BCAR1: variants seen among roughly 807,000 people sequenced by gnomAD.
The protein encoded by BCAR1 is BCAR1 scaffold protein, Cas family member.
In BCAR1, 30 loss-of-function variants were observed where a neutral mutation model predicts 67.6. That is an observed-to-expected ratio of 0.44 (90% confidence interval 0.33 to 0.60). BCAR1 has a LOEUF of 0.60. Ranked by LOEUF, BCAR1 falls within the 20% of genes least tolerant of loss-of-function variation. The pLI, the probability that BCAR1 is intolerant of heterozygous loss-of-function variation, is 0.02. For synonymous variants in BCAR1, 626 were observed against 556.7 expected (o/e 1.12, Z -1.75); for missense variants, 1,313 against 1,222.3 (o/e 1.07, Z -1.11).
At chr16:75,236,242 C>G in intron 4 of BCAR1, 1 of 541,702 alleles carries the variant, frequency 1.8e-6, no homozygotes, top group Non-Finnish European at 3.2e-6. Flanking sequence ...CGAGCCGGCT[C>G]TGGAGCCAGG....
At chr16:75,264,527 G>A in intron 1 of BCAR1, 4 of 1,407,920 alleles carry the variant, frequency 2.8e-6, no homozygotes, top group Non-Finnish European at 3.7e-6. Flanking sequence ...TTCTGAAGAC[G>A]AGACGATTAT....
intron 1 of BCAR1, among the ~76,000 whole-genome samples, chr16:75,250,465 A>T (rs555168228): frequency 5.8e-4 from 89 of 152,354 alleles, no homozygotes; most frequent in African/African-American, 2.1e-3. Flanking sequence ...ACCCATGGTC[A>T]TTCTGAGAAG....
Position 75,235,308 on chromosome 16 carries a change from G to A in BCAR1, c.1591C>T (p.His531Tyr). The A allele has an allele frequency of 6.2e-7, 1 of 1,604,780 alleles. No individual in the cohort carries two copies. Among genetic ancestry groups the A allele is most frequent in the South Asian group, 1.1e-5 (1 of 90,992 alleles). Residue 531 changes from histidine to tyrosine, a missense_variant, in exon 5 of 7, where the codon CAC becomes TAC. By Grantham distance (83) the His-to-Tyr change is moderately conservative. Coordinates refer to ENST00000162330, the MANE Select transcript of BCAR1 (RefSeq NM_014567.5). ...GCATGCAGGGCACGGTCAGATGTGT[G>A]GGCAGCATTGCCCACCGCGCTGCGG... ...FARSAVGNAA[H>Y]TSDRALHAKL...
chr16:75,240,173 C>G (rs1056947261), intron 2 of BCAR1, among the ~76,000 whole-genome samples: 2 of 152,212 alleles, frequency 1.3e-5, no homozygotes, highest in African/African-American at 4.8e-5. Context: ...TGTCACTCAC[C>G]CTCTTGGCTT....
chr16:75,263,531 CTGCAT>C, intron 1 of BCAR1: 1 of 985,524 alleles, frequency 1.0e-6, no homozygotes, highest in Non-Finnish European at 1.2e-6. Flanking sequence ...GGGTCCGGGA[CTGCAT>C]GTGAGTCAAA....
Position 75,235,366 on chromosome 16 carries a change from G to C in BCAR1, c.1533C>G (p.Val511=). The C allele has an allele frequency of 6.2e-7, 1 of 1,602,296 alleles. No individual in the cohort carries two copies. Among genetic ancestry groups the C allele is most frequent in the Middle Eastern group, 1.7e-4 (1 of 6,038 alleles). ...VQDLQAAVAA[V]QSAVHELLEF... is the part of the protein sequence containing the mutation. ...CCAACAGCTCGTGGACGGCACTCTG[G>C]ACAGCGGCCACAGCAGCCTGCAGGT... is the stretch of plus-strand genomic sequence containing the variant. The change falls in exon 5 of 7, where the codon GTC becomes GTG. Residue 511 remains valine, a synonymous_variant. Coordinates refer to ENST00000162330, the MANE Select transcript of BCAR1 (RefSeq NM_014567.5).
chr16:75,237,790 C>G (rs1004276863), intron 2 of BCAR1, among the ~76,000 whole-genome samples: 1 of 152,196 alleles, frequency 6.6e-6, no homozygotes, highest in Non-Finnish European at 1.5e-5. Flanking sequence ...GCCCACACCA[C>G]CTAGCTGTAG....
chr16:75,263,701 G>T (rs959219433), intron 1 of BCAR1: 1 of 985,490 alleles, frequency 1.0e-6, no homozygotes, highest in Non-Finnish European at 1.2e-6. Flanking sequence ...AGTGCCTGCT[G>T]CGTCAGCCCA....
At chr16:75,241,789 C>G (rs776141876) in intron 2 of BCAR1, among the ~76,000 whole-genome samples, 3 of 152,218 alleles carry the variant, frequency 2.0e-5, no homozygotes, top group Non-Finnish European at 2.9e-5. Flanking sequence ...AGTGCTGACT[C>G]CTTCCTACAG....
chr16:75,265,849 C>T (rs896204765), intron 1 of BCAR1: 186 of 1,175,092 alleles, frequency 1.6e-4, no homozygotes, highest in Non-Finnish European at 1.8e-4. Flanking sequence ...TGGCCGCCGC[C>T]CCCGGGGCCT....
At chr16:75,242,195 C>A (rs913968908) in intron 2 of BCAR1, among the ~76,000 whole-genome samples, 1 of 152,244 alleles carries the variant, frequency 6.6e-6, no homozygotes, top group Admixed American at 6.5e-5. Flanking sequence ...CCCACTGGAA[C>A]GCCTCAACAG....
At chr16:75,236,663 G>T (rs906192683) in intron 4 of BCAR1, 2 of 912,528 alleles carry the variant, frequency 2.2e-6, no homozygotes, top group Admixed American at 3.5e-5. Flanking sequence ...GGAGCTCATG[G>T]AGAAGGCCTC....
intron 1 of BCAR1, among the ~76,000 whole-genome samples, chr16:75,267,407 G>C (rs2078024917): frequency 6.9e-6 from 1 of 145,546 alleles, no homozygotes. Flanking sequence ...GGGGGGGGTG[G>C]GGGGCCTGGA....
At position 75,267,938 on chromosome 16, in the gene BCAR1, TG is replaced by T; in HGVS notation, c.42del (p.Thr15HisfsTer34). 1 of 1,603,500 alleles carries T rather than the reference TG, an allele frequency of 6.2e-7. No individual in the cohort carries two copies. The highest frequency in any genetic ancestry group is 1.7e-5 in the Admixed American group (1 of 58,828). The stretch of plus-strand genomic sequence containing the variant: ...ACTCTGAGGCAGGGATCCTTGGGTG[TG>T]GGCCTGGGGGCAGCCAGAGGAGCCT... On this transcript the variant is annotated frameshift_variant, in exon 1 of 7. Coordinates refer to the BCAR1 transcript ENST00000393422. LOFTEE classifies it high-confidence loss of function.
intron 2 of BCAR1, among the ~76,000 whole-genome samples, chr16:75,240,535 G>A (rs564621323): frequency 7.2e-5 from 11 of 152,314 alleles, no homozygotes; most frequent in Non-Finnish European, 1.2e-4. Context: ...AAAACTGCAT[G>A]TATAAATCTG....
At chr16:75,251,728 C>T (rs1417759929), upstream of BCAR1, 3 of 979,134 alleles carry the variant, frequency 3.1e-6, no homozygotes, top group Non-Finnish European at 3.6e-6. Flanking sequence ...GCAAATAAGC[C>T]GCCTGTCGGG....
intron 1 of BCAR1, among the ~76,000 whole-genome samples, chr16:75,258,196 C>T (rs1032879651): frequency 2.6e-5 from 4 of 152,226 alleles, no homozygotes; most frequent in African/African-American, 9.6e-5. Flanking sequence ...CGCAACCAAG[C>T]CCTCCCTGCT....
At chr16:75,264,247 T>C (rs2077960203) in intron 1 of BCAR1, 1 of 1,370,586 alleles carries the variant, frequency 7.3e-7, no homozygotes. Context: ...TGGCTCTGAC[T>C]GTGGACAACC....
At chr16:75,247,753 C>A (rs2077562348) in intron 1 of BCAR1, 2 of 433,412 alleles carry the variant, frequency 4.6e-6, no homozygotes, top group South Asian at 4.7e-5. Flanking sequence ...TCACTGCTGA[C>A]CAAAACCCTC....
Sources: gnomAD v4.1 joint callset for allele counts (sites outside exome capture counted in the v4.1 genomes callset) on GRCh38, gnomAD v4.1.1 for gene constraint, MANE v1.5 for transcripts, NCBI Gene and HGNC (gene_info 2026-07-23, HGNC 2026-07-21) for gene names.